Variants in SERPINA12 observed in about 807,000 individuals in gnomAD.
The protein encoded by SERPINA12 is serpin family A member 12, also known as serpin A12.
Under a neutral mutation model 25.9 loss-of-function variants are expected in SERPINA12, and 21 were observed. The observed-to-expected ratio is 0.81, with a 90% CI of 0.58 to 1.17. The LOEUF (loss-of-function observed/expected upper bound fraction) is 1.17. Ranked by LOEUF, SERPINA12 falls within the 50% of genes most tolerant of loss-of-function variation. The pLI is 0.00. For synonymous variants in SERPINA12, 220 were observed against 196.0 expected (o/e 1.12, Z -1.02); for missense variants, 562 against 508.3 (o/e 1.11, Z -1.02).
Position 94,496,635 on chromosome 14 carries a change from T to C in SERPINA12, c.643A>G (p.Lys215Glu). The C allele has an allele frequency of 6.2e-7, 1 of 1,613,862 alleles. No homozygotes were observed. The highest frequency in any genetic ancestry group is 1.1e-5 in the South Asian group (1 of 91,000). Residue 215 changes from lysine to glutamate, a missense_variant, in exon 3 of 5, where the codon AAA becomes GAA. Transcript: ENST00000677451. ...GTTACATTTGGATCAAACTCATGTT[T>C]CCACCTGGCTTAGATTGAAGAAAGA... is the stretch of plus-strand genomic sequence containing the variant. Reference protein sequence around the residue: ...ANYIFFRARWKHEFDPNVTKE... With the variant: ...ANYIFFRARWEHEFDPNVTKE...
chr14:94,503,221 C>G lies in SERPINA12; in HGVS notation c.-33-4791G>C, dbSNP rs112519555. ...TGGTGGTAAGACATATCTTCTCTCCCCTGTTAGAAGTAAGAGAAGCCCCAT... is the reference window on the plus strand; with the variant it reads ...TGGTGGTAAGACATATCTTCTCTCCGCTGTTAGAAGTAAGAGAAGCCCCAT... On this transcript the variant is annotated intron_variant, in intron 1 of 4. Coordinates refer to ENST00000677451, the MANE Select transcript of SERPINA12 (RefSeq NM_001382267.1). 1.8e-5 allele frequency: 18 copies of G among 984,926 alleles called. No individual in the cohort carries two copies. In the African/African-American group the frequency reaches 2.3e-4, roughly 12 times the overall value. 61.0% of individuals were successfully genotyped at this position (984,926 alleles called of 1,614,324 possible).
chr14:94,494,540 G>A (rs1008517247), intron 3 of SERPINA12, among the ~76,000 whole-genome samples: 3 of 152,144 alleles, frequency 2.0e-5, no homozygotes, highest in Non-Finnish European at 2.9e-5. Context: ...GCCATCCCTC[G>A]AGATCTGCAC....
intron 1 of SERPINA12, among the ~76,000 whole-genome samples, chr14:94,516,653 G>A (rs991224882): frequency 1.1e-4 from 16 of 152,120 alleles, no homozygotes; most frequent in African/African-American, 2.2e-4. Context: ...GTGAGAATTC[G>A]TCACTACACT....
Position 94,517,126 on chromosome 14 carries a change from C to G in SERPINA12, c.-353+275G>C, listed in dbSNP as rs141532253. ...AAGGACCACACGTAGTTCCACAGCT[C>G]TCAGCATAAATGTGTGTGAGTGTCA... On this transcript the variant is annotated intron_variant, in intron 1 of 5. Transcript: ENST00000341228. 8.0e-3 allele frequency among the ~76,000 whole-genome samples: 1,221 copies of G among 152,348 alleles called. 15 individuals carry two copies. The highest frequency in any genetic ancestry group is 0.028 in the African/African-American group (1,169 of 41,570).
intron 3 of SERPINA12, among the ~76,000 whole-genome samples, chr14:94,495,745 C>T (rs1457714000): frequency 6.6e-6 from 1 of 152,186 alleles, no homozygotes; most frequent in Non-Finnish European, 1.5e-5. Context: ...ACTTTCAAGG[C>T]ACTATGTATG....
chr14:94,501,224 C>A, intron 1 of SERPINA12: 1 of 944,838 alleles, frequency 1.1e-6, no homozygotes, highest in Middle Eastern at 5.4e-4. Flanking sequence ...TTCTGCTATT[C>A]AGAGTGGGCG....
At position 94,495,743 on chromosome 14, in the gene SERPINA12, G is replaced by A. The variant is rs570815887; in HGVS notation, c.905+630C>T. Among the ~76,000 whole-genome samples, 4 of 152,256 alleles carry A rather than the reference G, an allele frequency of 2.6e-5. No homozygotes were observed. The East Asian group carries it at 7.7e-4, about 29-fold the overall frequency. ...AGGCCACTAGCCCAGCCACTTTCAA[G>A]GCACTATGTATGTCCACGCTGACAC... On this transcript the variant is annotated intron_variant, in intron 3 of 4. Coordinates refer to ENST00000677451, the MANE Select transcript of SERPINA12 (RefSeq NM_001382267.1).
At chr14:94,513,083 G>A (rs566596191), upstream of SERPINA12, among the ~76,000 whole-genome samples, 1 of 152,212 alleles carries the variant, frequency 6.6e-6, no homozygotes, top group Non-Finnish European at 1.5e-5. Context: ...GGCTCACCAT[G>A]CAGGTGGAAG....
intron 4 of SERPINA12, 151 bp downstream of exon 4, chr14:94,489,469 C>T (rs1900058265): frequency 1.3e-6 from 1 of 785,094 alleles, no homozygotes. Flanking sequence ...CCCAGGATCA[C>T]GGGGTTGGTA....
intron 3 of SERPINA12, 89 bp from the exon 4 acceptor site, chr14:94,489,856 C>T: frequency 7.6e-7 from 1 of 1,322,928 alleles, no homozygotes; most frequent in Non-Finnish European, 1.1e-6. Context: ...AAACATGTGT[C>T]CTCCCAGCCC....
At chr14:94,503,338 G>T in intron 1 of SERPINA12, 3 of 984,876 alleles carry the variant, frequency 3.0e-6, no homozygotes, top group Non-Finnish European at 3.6e-6. Context: ...TTGTTAATTT[G>T]CCCTGTAGAT....
upstream of SERPINA12, chr14:94,509,879 C>T: frequency 1.5e-6 from 1 of 655,558 alleles, no homozygotes; most frequent in Non-Finnish European, 1.9e-6. Flanking sequence ...GCAGAATCGT[C>T]CACCCCAGAT....
chr14:94,505,295 G>A (rs1900891776), intron 1 of SERPINA12, among the ~76,000 whole-genome samples: 1 of 152,190 alleles, frequency 6.6e-6, no homozygotes, highest in Non-Finnish European at 1.5e-5. Context: ...GCCTGGTTCA[G>A]CCACAGACTC....
Position 94,498,100 on chromosome 14 carries a change from G to T in SERPINA12, c.298C>A (p.Gln100Lys), listed in dbSNP as rs746111920. The stretch of plus-strand genomic sequence containing the variant: ...GGCATCTTTCTGAAGTTGAACCCCT[G>T]CTTGATCTCGTCCAGGGTGCTGTCC... ...AQDSTLDEIK[Q>K]GFNFRKMPEK... The change falls in exon 2 of 5, where the codon CAG becomes AAG. Residue 100 changes from glutamine (Q) to lysine (K), a missense_variant. Coordinates refer to ENST00000677451, the MANE Select transcript of SERPINA12 (RefSeq NM_001382267.1). 23 of 1,614,004 alleles carry T rather than the reference G, an allele frequency of 1.4e-5. No individual in the cohort carries two copies. Among genetic ancestry groups the T allele is most frequent in the Non-Finnish European group, 1.9e-5 (22 of 1,180,024 alleles).
intron 1 of SERPINA12, among the ~76,000 whole-genome samples, chr14:94,500,447 G>A (rs60324551): frequency 6.6e-6 from 1 of 152,112 alleles, no homozygotes; most frequent in Non-Finnish European, 1.5e-5. Context: ...GGCCTGATTG[G>A]TGCAGGGGCA....
At chr14:94,502,343 A>G (rs1900766497) in intron 1 of SERPINA12, among the ~76,000 whole-genome samples, 4 of 152,178 alleles carry the variant, frequency 2.6e-5, no homozygotes, top group Admixed American at 2.6e-4. Context: ...CACAGGTAGC[A>G]TAGGCGGCTT....
intron 1 of SERPINA12, among the ~76,000 whole-genome samples, chr14:94,508,646 C>A (rs1235936584): frequency 6.6e-6 from 1 of 152,172 alleles, no homozygotes; most frequent in Non-Finnish European, 1.5e-5. Flanking sequence ...GATATACCAT[C>A]TTTTTGCAAC....
In SERPINA12 at chr14:94,496,563, G is replaced by A; in HGVS notation, c.715C>T (p.Pro239Ser). The A allele has an allele frequency of 6.2e-7, 1 of 1,613,982 alleles. No homozygotes were observed. The highest frequency in any genetic ancestry group is 8.5e-7 in the Non-Finnish European group (1 of 1,179,898). The change falls in exon 3 of 5, where the codon CCC (proline) becomes TCC (serine). Residue 239 changes from proline to serine, a missense_variant. Pro to Ser is a moderately conservative substitution (Grantham distance 74, BLOSUM62 -1). Coordinates refer to ENST00000677451, the MANE Select transcript of SERPINA12 (RefSeq NM_001382267.1). The part of the protein sequence containing the change: ...FLEKNSSVKV[P>S]MMFRSGIYQV... ...TATATGCCACTACGGAACATCATGG[G>A]CACCTTGACTGAACTGTTTTTCTCC...
intron 4 of SERPINA12, among the ~76,000 whole-genome samples, chr14:94,488,809 G>A (rs981209830): frequency 2.0e-5 from 3 of 152,098 alleles, no homozygotes; most frequent in Non-Finnish European, 2.9e-5. Flanking sequence ...TATGAAACAT[G>A]TGGCCTTGGG....
Sources: gnomAD v4.1 joint callset for allele counts (sites outside exome capture counted in the v4.1 genomes callset) on GRCh38, gnomAD v4.1.1 for gene constraint, MANE v1.5 for transcripts, NCBI Gene and HGNC (gene_info 2026-07-23, HGNC 2026-07-21) for gene names.